Variants in FHIT observed in about 807,000 individuals in gnomAD.
FHIT encodes the protein fragile histidine triad diadenosine triphosphatase, also known as bis(5'-adenosyl)-triphosphatase.
In FHIT, 19 loss-of-function variants were observed where a neutral mutation model predicts 17.9. That is an observed-to-expected ratio of 1.06 (90% confidence interval 0.74 to 1.56). The LOEUF is 1.56. Among genes scored for constraint, FHIT ranks in the 40% most tolerant of loss-of-function variants. The probability of loss-of-function intolerance (pLI) is 0.00; values close to 1 mark genes in which losing one functional copy is unlikely to be tolerated. For missense variants in FHIT, 248 were observed against 189.2 expected (o/e 1.31, Z -1.82); for synonymous variants, 81 against 69.7 (o/e 1.16, Z -0.81).
chr3:61,232,121 T>C (rs750263343), intron 1 of FHIT, among the ~76,000 whole-genome samples: 16 of 152,308 alleles, frequency 1.1e-4, no homozygotes, highest in Admixed American at 7.2e-4. Flanking sequence ...TGGTGGCTCA[T>C]GCCTGTAATC....
intron 8 of FHIT, among the ~76,000 whole-genome samples, chr3:59,883,096 G>C (rs1703476272): frequency 6.6e-6 from 1 of 152,128 alleles, no homozygotes; most frequent in Admixed American, 6.6e-5. Flanking sequence ...CAGATCACAA[G>C]AGCTGTTTGT....
chr3:59,798,696 G>C (rs1157296196), intron 8 of FHIT, among the ~76,000 whole-genome samples: 1 of 152,246 alleles, frequency 6.6e-6, no homozygotes, highest in Non-Finnish European at 1.5e-5. Flanking sequence ...TTAGATCTTA[G>C]TAACTTGGTT....
In FHIT at chr3:60,141,123, G is replaced by A. The variant is rs549473452; in HGVS notation, c.104-126971C>T. On this transcript the variant is annotated intron_variant, in intron 5 of 9. Transcript: ENST00000492590. ...GACATCAATCTGTCAGTCATCTACTGTGCAGCCATTTCGAGGGGGGATAAC... is the reference window on the plus strand; with the variant it reads ...GACATCAATCTGTCAGTCATCTACTATGCAGCCATTTCGAGGGGGGATAAC... 2.6e-5 allele frequency among the ~76,000 whole-genome samples: 4 copies of A among 152,234 alleles called. No homozygotes were observed. In the South Asian group the frequency reaches 8.3e-4, roughly 32 times the overall value.
chr3:60,349,920 C>T (rs1288777626), intron 5 of FHIT, among the ~76,000 whole-genome samples: 1 of 152,160 alleles, frequency 6.6e-6, no homozygotes, highest in African/African-American at 2.4e-5. Context: ...TCTGTTTTCT[C>T]AAGCAGTTAG....
chr3:60,341,450 C>G (rs1472778589), intron 5 of FHIT, among the ~76,000 whole-genome samples: 1 of 152,168 alleles, frequency 6.6e-6, no homozygotes, highest in Non-Finnish European at 1.5e-5. Flanking sequence ...CACGTGGAGA[C>G]AAAGGCAGGA....
chr3:61,171,371 C>G (rs1480740309), intron 2 of FHIT, among the ~76,000 whole-genome samples: 1 of 152,052 alleles, frequency 6.6e-6, no homozygotes, highest in Non-Finnish European at 1.5e-5. Flanking sequence ...ATGCATAGTT[C>G]GCAAAAATGT....
At chr3:60,228,227 C>T (rs1178270111) in intron 5 of FHIT, among the ~76,000 whole-genome samples, 1 of 152,108 alleles carries the variant, frequency 6.6e-6, no homozygotes, top group Non-Finnish European at 1.5e-5. Flanking sequence ...ACTGTATGAT[C>T]CCATTTATGT....
intron 7 of FHIT, among the ~76,000 whole-genome samples, chr3:60,009,638 G>C (rs182023504): frequency 6.6e-6 from 1 of 152,232 alleles, no homozygotes; most frequent in Non-Finnish European, 1.5e-5. Flanking sequence ...ATTATTTTTA[G>C]TCAAGAGATA....
chr3:60,372,252 C>G (rs938232928), intron 5 of FHIT, among the ~76,000 whole-genome samples: 2 of 152,046 alleles, frequency 1.3e-5, no homozygotes, highest in Non-Finnish European at 2.9e-5. Flanking sequence ...AATGAAGAGA[C>G]GTATTCATCT....
chr3:60,669,239 A>G (rs150643195), intron 4 of FHIT, among the ~76,000 whole-genome samples: 126 of 152,330 alleles, frequency 8.3e-4, no homozygotes, highest in Middle Eastern at 3.4e-3. Flanking sequence ...TTGTTGGTAG[A>G]ATGTAAACAT....
At chr3:60,279,460 T>C (rs1226478272) in intron 5 of FHIT, among the ~76,000 whole-genome samples, 2 of 152,172 alleles carry the variant, frequency 1.3e-5, no homozygotes, top group African/African-American at 4.8e-5. Flanking sequence ...ACAATTTAAC[T>C]GATGAATTCT....
intron 8 of FHIT, among the ~76,000 whole-genome samples, chr3:59,902,181 C>T (rs1480286800): frequency 6.6e-6 from 1 of 152,048 alleles, no homozygotes; most frequent in Admixed American, 6.5e-5. Flanking sequence ...ATACAAATAG[C>T]CAACAGGTTT....
chr3:59,917,637 G>A (rs1038195600), intron 8 of FHIT, among the ~76,000 whole-genome samples: 16 of 152,178 alleles, frequency 1.1e-4, no homozygotes, highest in African/African-American at 3.9e-4. Flanking sequence ...AGATAAATAA[G>A]ATCTGCATAG....
intron 2 of FHIT, among the ~76,000 whole-genome samples, chr3:61,176,777 C>G (rs2038168812): frequency 6.6e-6 from 1 of 152,190 alleles, no homozygotes; most frequent in South Asian, 2.1e-4. Flanking sequence ...GTCCCTGTTG[C>G]ATGGGCCCTC....
intron 8 of FHIT, among the ~76,000 whole-genome samples, chr3:59,757,543 C>A (rs993652031): frequency 4.6e-5 from 7 of 152,086 alleles, no homozygotes; most frequent in African/African-American, 1.7e-4. Context: ...CTTTAGAGTT[C>A]TGTAATGGAA....
intron 3 of FHIT, among the ~76,000 whole-genome samples, chr3:60,954,704 T>G (rs1575746438): frequency 6.6e-6 from 1 of 152,320 alleles, no homozygotes; most frequent in South Asian, 2.1e-4. Flanking sequence ...CAAAAGAGGT[T>G]AGCTGCAAAT....
chr3:60,963,265 C>G (rs1336081881), intron 3 of FHIT, among the ~76,000 whole-genome samples: 5 of 151,818 alleles, frequency 3.3e-5, no homozygotes, highest in Admixed American at 3.3e-4. Flanking sequence ...TCTGTGGGAT[C>G]AGTGGTGATA....
intron 5 of FHIT, among the ~76,000 whole-genome samples, chr3:60,266,591 G>A (rs1189242754): frequency 6.6e-6 from 1 of 152,076 alleles, no homozygotes; most frequent in Non-Finnish European, 1.5e-5. Context: ...AGCAGGGGAA[G>A]GGAAAGGATT....
At chr3:60,577,893 C>T (rs1418676480) in intron 4 of FHIT, among the ~76,000 whole-genome samples, 3 of 152,034 alleles carry the variant, frequency 2.0e-5, no homozygotes, top group Non-Finnish European at 4.4e-5. Flanking sequence ...AATTAAGTTG[C>T]TTAGACAATT....
Sources: allele counts gnomAD v4.1 joint callset (sites outside exome capture counted in the v4.1 genomes callset), GRCh38; gene constraint gnomAD v4.1.1; transcripts MANE v1.5; gene names NCBI Gene and HGNC (gene_info 2026-07-23, HGNC 2026-07-21).